The following THSD4 variants were observed in gnomAD, a reference collection of about 807,000 sequenced individuals.
THSD4 encodes thrombospondin type-1 domain-containing protein 4.
In THSD4, 69 loss-of-function variants were observed where a neutral mutation model predicts 119.0. The ratio of observed to expected loss-of-function variants is 0.58; its 90% confidence interval spans 0.48 to 0.71. The LOEUF is 0.71. THSD4 is among the 30% of genes least tolerant of loss of function. The pLI, the probability that THSD4 is intolerant of heterozygous loss-of-function variation, is 0.00. For missense variants in THSD4, 1,393 were observed against 1,391.1 expected (o/e 1.00, Z -0.02); for synonymous variants, 524 against 540.4 (o/e 0.97, Z 0.42).
chr15:71,677,131 A>G (rs1374970509), intron 8 of THSD4, among the ~76,000 whole-genome samples: 1 of 152,220 alleles, frequency 6.6e-6, no homozygotes, highest in Non-Finnish European at 1.5e-5. Context: ...GTATTTAAGC[A>G]TGTGATATAA....
At chr15:71,318,410 A>T (rs1194344073) in intron 6 of THSD4, among the ~76,000 whole-genome samples, 1 of 152,158 alleles carries the variant, frequency 6.6e-6, no homozygotes, top group Non-Finnish European at 1.5e-5. Context: ...TACACCTGGG[A>T]CATTTGTTCC....
At chr15:71,776,566 A>T (rs1019365206) in intron 17 of THSD4, among the ~76,000 whole-genome samples, 1 of 152,328 alleles carries the variant, frequency 6.6e-6, no homozygotes, top group Admixed American at 6.5e-5. Context: ...CAGGAACATA[A>T]ACAGTTATAC....
chr15:71,399,296 G>T (rs977556834), intron 6 of THSD4, among the ~76,000 whole-genome samples: 4 of 152,086 alleles, frequency 2.6e-5, no homozygotes, highest in Admixed American at 6.5e-5. Context: ...TATATAAAGG[G>T]TCTAACATAT....
At chr15:71,334,871 G>A (rs1177376243) in intron 6 of THSD4, among the ~76,000 whole-genome samples, 2 of 152,198 alleles carry the variant, frequency 1.3e-5, no homozygotes, top group East Asian at 3.8e-4. Context: ...GTCTATCTGG[G>A]ACAAAGGGGG....
intron 7 of THSD4, among the ~76,000 whole-genome samples, chr15:71,585,640 T>G (rs928177244): frequency 6.6e-5 from 10 of 152,220 alleles, no homozygotes; most frequent in African/African-American, 1.9e-4. Context: ...TTGTAAAGTT[T>G]CTTGTCATTA....
intron 3 of THSD4, among the ~76,000 whole-genome samples, chr15:71,155,649 G>T (rs943811623): frequency 1.3e-5 from 2 of 152,184 alleles, no homozygotes; most frequent in South Asian, 4.1e-4. Flanking sequence ...GAGGAGACCA[G>T]TATGGAGCTT....
chr15:71,387,430 A>G (rs1055816729), intron 6 of THSD4, among the ~76,000 whole-genome samples: 6 of 152,142 alleles, frequency 3.9e-5, no homozygotes, highest in African/African-American at 1.4e-4. Flanking sequence ...TTTTTTTATA[A>G]TTTGTTTTCC....
intron 6 of THSD4, among the ~76,000 whole-genome samples, chr15:71,257,762 G>T (rs936641777): frequency 6.6e-6 from 1 of 152,182 alleles, no homozygotes. Context: ...TATCTGTGCA[G>T]TGTTCTCAGA....
In THSD4 at chr15:71,750,246, G is replaced by A. The variant is rs367567421; in HGVS notation, c.2415+1652G>A. Reference sequence around the variant, plus strand: ...CAGACTCAAAGAAGGACCCTTTCACGCAGTTTGGGGATATCAGCAGACATG... The same window carrying A: ...CAGACTCAAAGAAGGACCCTTTCACACAGTTTGGGGATATCAGCAGACATG... On this transcript the variant is annotated intron_variant, in intron 14 of 17. Coordinates refer to ENST00000261862, the MANE Select transcript of THSD4 (RefSeq NM_024817.3). Among the ~76,000 whole-genome samples, 8 of 152,206 alleles carry A rather than the reference G, an allele frequency of 5.3e-5. No homozygotes were observed. In the South Asian group the frequency reaches 6.2e-4, roughly 12 times the overall value.
At chr15:71,604,965 T>G (rs2050081664) in intron 7 of THSD4, among the ~76,000 whole-genome samples, 1 of 152,086 alleles carries the variant, frequency 6.6e-6, no homozygotes, top group Non-Finnish European at 1.5e-5. Flanking sequence ...TTCTCAGTTT[T>G]AAGTAGAATG....
chr15:71,482,844 C>G lies in THSD4; in HGVS notation c.1152+71021C>G, dbSNP rs571541286. Among the ~76,000 whole-genome samples, 13 of 152,282 alleles carry G rather than the reference C, an allele frequency of 8.5e-5. No individual in the cohort carries two copies. The East Asian group carries it at 2.5e-3, about 29-fold the overall frequency. On this transcript the variant is annotated intron_variant, in intron 7 of 17. Coordinates refer to ENST00000261862, the MANE Select transcript of THSD4 (RefSeq NM_024817.3). Reference sequence around the variant, plus strand: ...TCAGGTGATCCACCCACCTCGGCCTCCCAGAGTGCTGGGATTACAGGCATG... The same window carrying G: ...TCAGGTGATCCACCCACCTCGGCCTGCCAGAGTGCTGGGATTACAGGCATG...
At chr15:71,199,843 C>CTGTGTGTGATGCATGTGTGGGGTGTGTG (rs1215918212) in intron 3 of THSD4, among the ~76,000 whole-genome samples, 200 of 81,024 alleles carry the variant, frequency 2.5e-3, no homozygotes, top group Non-Finnish European at 3.2e-3. Context: ...TGTGTGTGTG[C>CTGTGTGTGATGCATGTGTGGGGTGTGTG]TGTGTGTGAT....
At chr15:71,155,074 C>T in intron 3 of THSD4, 142 bp downstream of exon 3, 1 of 746,502 alleles carries the variant, frequency 1.3e-6, no homozygotes, top group Non-Finnish European at 2.3e-6. Flanking sequence ...ATGGAGTGTA[C>T]TATTCTGTTC....
chr15:71,533,284 G>A (rs1217854367), intron 7 of THSD4, among the ~76,000 whole-genome samples: 1 of 152,166 alleles, frequency 6.6e-6, no homozygotes, highest in African/African-American at 2.4e-5. Flanking sequence ...AAAAATCACC[G>A]TGCAGAGGTA....
At chr15:71,659,805 T>C (rs1256740366) in intron 7 of THSD4, among the ~76,000 whole-genome samples, 1 of 152,176 alleles carries the variant, frequency 6.6e-6, no homozygotes, top group Non-Finnish European at 1.5e-5. Context: ...GAATGAGTAA[T>C]GGGAAGATTC....
chr15:71,432,723 C>G (rs1488869636), intron 7 of THSD4, among the ~76,000 whole-genome samples: 2 of 151,930 alleles, frequency 1.3e-5, no homozygotes, highest in Non-Finnish European at 2.9e-5. Flanking sequence ...TTTTTATAAA[C>G]TTTTATAACC....
intron 7 of THSD4, among the ~76,000 whole-genome samples, chr15:71,624,957 T>C (rs2050481010): frequency 1.3e-5 from 2 of 152,126 alleles, no homozygotes; most frequent in African/African-American, 4.8e-5. Context: ...GGCATACTTA[T>C]TTTTTTCTAG....
chr15:71,546,919 C>T (rs1482687113), intron 7 of THSD4, among the ~76,000 whole-genome samples: 1 of 152,216 alleles, frequency 6.6e-6, no homozygotes, highest in Non-Finnish European at 1.5e-5. Flanking sequence ...CAGGCAAACA[C>T]AGCTTGTCAG....
intron 3 of THSD4, among the ~76,000 whole-genome samples, chr15:71,189,473 A>C (rs772039722): frequency 1.3e-5 from 2 of 152,288 alleles, no homozygotes; most frequent in Admixed American, 1.3e-4. Flanking sequence ...GATCGAGACC[A>C]TCCTGGCTAA....
Sources: allele counts gnomAD v4.1 joint callset (sites outside exome capture counted in the v4.1 genomes callset), GRCh38; gene constraint gnomAD v4.1.1; transcripts MANE v1.5; gene names NCBI Gene and HGNC (gene_info 2026-07-23, HGNC 2026-07-21).